Variants in PRKG1 observed in about 807,000 individuals in gnomAD.
PRKG1 encodes protein kinase cGMP-dependent 1, also known as cGMP-dependent protein kinase 1.
In PRKG1, 35 loss-of-function variants were observed where a neutral mutation model predicts 88.1. The observed-to-expected ratio is 0.40, with a 90% CI of 0.30 to 0.53. The LOEUF is 0.53. Among genes scored for constraint, PRKG1 ranks in the 20% least tolerant of loss-of-function variants. PRKG1 has a pLI of 0.59. For synonymous variants in PRKG1, 303 were observed against 292.5 expected (o/e 1.04, Z -0.37); for missense variants, 540 against 839.8 (o/e 0.64, Z 4.41).
intron 1 of PRKG1, among the ~76,000 whole-genome samples, chr10:51,043,103 C>T (rs116241971): frequency 0.017 from 2,561 of 152,162 alleles, 64 homozygotes; most frequent in African/African-American, 0.059. Flanking sequence ...GGGGATTGAG[C>T]CTTTATACTT....
chr10:51,115,036 G>A (rs895457412), intron 1 of PRKG1, among the ~76,000 whole-genome samples: 2 of 151,852 alleles, frequency 1.3e-5, no homozygotes, highest in East Asian at 1.9e-4. Flanking sequence ...AAAGAAAGAG[G>A]CCAGTGCAGT....
chr10:51,714,577 G>A (rs940963623), intron 3 of PRKG1, among the ~76,000 whole-genome samples: 1 of 152,222 alleles, frequency 6.6e-6, no homozygotes, highest in Non-Finnish European at 1.5e-5. Context: ...ATGACCTAAA[G>A]AGGAAGATGG....
At chr10:51,794,154 A>G (rs1838947318) in intron 3 of PRKG1, among the ~76,000 whole-genome samples, 1 of 152,176 alleles carries the variant, frequency 6.6e-6, no homozygotes, top group Non-Finnish European at 1.5e-5. Context: ...AGAGGATATA[A>G]CAATTGTAAA....
intron 2 of PRKG1, among the ~76,000 whole-genome samples, chr10:51,404,600 A>T (rs1837855268): frequency 6.6e-6 from 1 of 152,188 alleles, no homozygotes; most frequent in Admixed American, 6.6e-5. Flanking sequence ...TTGGGTGGAA[A>T]TCCTTGTTTT....
Position 52,186,448 on chromosome 10 carries a change from C to T in PRKG1, c.1076+24485C>T, listed in dbSNP as rs185800858. Reference sequence around the variant, plus strand: ...TTTTCCCCCAGGATCCAATCACCTCCTGCTATTCATGAAGGATTTTCCCCC... The same window carrying T: ...TTTTCCCCCAGGATCCAATCACCTCTTGCTATTCATGAAGGATTTTCCCCC... On this transcript the variant is annotated intron_variant, in intron 9 of 17. Coordinates refer to ENST00000373980, the MANE Select transcript of PRKG1 (RefSeq NM_006258.4). Among the ~76,000 whole-genome samples, 150 of 151,824 alleles carry T rather than the reference C, an allele frequency of 9.9e-4. 1 individual carries two copies. The highest frequency in any genetic ancestry group is 3.5e-3 in the African/African-American group (143 of 41,184).
At chr10:51,263,376 T>C (rs1470201456) in intron 2 of PRKG1, among the ~76,000 whole-genome samples, 1 of 152,220 alleles carries the variant, frequency 6.6e-6, no homozygotes, top group Non-Finnish European at 1.5e-5. Context: ...TTTTCTGGAT[T>C]CTGGGTTCTA....
At chr10:51,988,040 C>T (rs1393206924) in intron 5 of PRKG1, among the ~76,000 whole-genome samples, 2 of 152,028 alleles carry the variant, frequency 1.3e-5, no homozygotes. Flanking sequence ...TGCTTCAAAT[C>T]TCTCTTTTGC....
chr10:51,921,911 G>A (rs1057303519), intron 5 of PRKG1, among the ~76,000 whole-genome samples: 1 of 151,936 alleles, frequency 6.6e-6, no homozygotes, highest in Non-Finnish European at 1.5e-5. Flanking sequence ...TGGTATAAGG[G>A]TAATGCTGGT....
At chr10:51,029,711 C>G (rs1048950952) in intron 1 of PRKG1, among the ~76,000 whole-genome samples, 7 of 152,122 alleles carry the variant, frequency 4.6e-5, no homozygotes, top group African/African-American at 1.7e-4. Flanking sequence ...TATTTGAGAA[C>G]AAATTAGCTC....
intron 3 of PRKG1, among the ~76,000 whole-genome samples, chr10:51,761,749 T>C (rs1838027415): frequency 6.6e-6 from 1 of 152,196 alleles, no homozygotes; most frequent in Non-Finnish European, 1.5e-5. Flanking sequence ...TTCTCAGGCA[T>C]GGGAACTATT....
At chr10:51,379,105 G>A (rs1231477747) in intron 2 of PRKG1, among the ~76,000 whole-genome samples, 1 of 152,042 alleles carries the variant, frequency 6.6e-6, no homozygotes, top group East Asian at 1.9e-4. Context: ...AACTTCCTGT[G>A]TTTAATATCC....
At chr10:51,968,236 A>G (rs1843620049) in intron 5 of PRKG1, among the ~76,000 whole-genome samples, 2 of 152,124 alleles carry the variant, frequency 1.3e-5, no homozygotes, top group African/African-American at 4.8e-5. Context: ...GCACTGCTCT[A>G]GAGTACCAGG....
chr10:51,039,679 T>A (rs1246929671), intron 1 of PRKG1, among the ~76,000 whole-genome samples: 1 of 152,182 alleles, frequency 6.6e-6, no homozygotes, highest in Non-Finnish European at 1.5e-5. Flanking sequence ...CTCAGACCAG[T>A]GTCCTGGAGA....
rs1161279884 is a variant in PRKG1, at chr10:51,894,693, A to ATGG, written c.699-12813_699-12812insGGT. On this transcript the variant is annotated intron_variant, in intron 4 of 17. Coordinates refer to ENST00000373980, the MANE Select transcript of PRKG1 (RefSeq NM_006258.4). ...TTTTGACCAAAGATCTGTTATAAGA[A>ATGG]TCTGCTGAACTGAATTACATTAAAA... Among the ~76,000 whole-genome samples the ATGG allele has an allele frequency of 2.0e-5, 3 of 152,308 alleles. No homozygotes were observed. In the East Asian group the frequency reaches 5.8e-4, roughly 29 times the overall value.
At chr10:51,768,090 C>T (rs1355435841) in intron 3 of PRKG1, among the ~76,000 whole-genome samples, 2 of 151,882 alleles carry the variant, frequency 1.3e-5, no homozygotes, top group Non-Finnish European at 2.9e-5. Context: ...AAAATTGAAT[C>T]CAGGATTTAC....
intron 1 of PRKG1, among the ~76,000 whole-genome samples, chr10:51,119,280 A>T (rs1250842740): frequency 6.6e-6 from 1 of 152,136 alleles, no homozygotes; most frequent in African/African-American, 2.4e-5. Context: ...AAATGTTCAC[A>T]GTCTTTGAGT....
intron 1 of PRKG1, among the ~76,000 whole-genome samples, chr10:51,099,641 C>T (rs1844630257): frequency 6.6e-6 from 1 of 152,048 alleles, no homozygotes; most frequent in African/African-American, 2.4e-5. Context: ...TAACCCAGGA[C>T]TCTGTGGAAT....
chr10:52,283,155 ATTTTCTGACAAAGG>A (rs1842036560), intron 14 of PRKG1, among the ~76,000 whole-genome samples: 2 of 152,082 alleles, frequency 1.3e-5, no homozygotes, highest in African/African-American at 2.4e-5. Flanking sequence ...AATCATTGAG[ATTTTCTGACAAAGG>A]TTGAGTGATG....
intron 3 of PRKG1, among the ~76,000 whole-genome samples, chr10:51,510,883 A>G (rs988947677): frequency 6.6e-6 from 1 of 150,558 alleles, no homozygotes; most frequent in African/African-American, 2.4e-5. Context: ...AGCTGGGACT[A>G]CAGGCGCCCA....
Sources: allele counts gnomAD v4.1 joint callset (sites outside exome capture counted in the v4.1 genomes callset), GRCh38; gene constraint gnomAD v4.1.1; transcripts MANE v1.5; gene names NCBI Gene and HGNC (gene_info 2026-07-23, HGNC 2026-07-21).